The following PXDNL variants were observed in gnomAD, a reference collection of about 807,000 sequenced individuals.
PXDNL encodes the protein peroxidasin like.
In PXDNL, 145 loss-of-function variants were observed where a neutral mutation model predicts 150.8. The ratio of observed to expected loss-of-function variants is 0.96; its 90% CI spans 0.84 to 1.10. The LOEUF (loss-of-function observed/expected upper bound fraction) is 1.10. Among genes scored for constraint, PXDNL ranks in the 50% least tolerant of loss-of-function variants. PXDNL has a pLI of 0.00. For synonymous variants in PXDNL, 757 were observed against 725.7 expected (o/e 1.04, Z -0.69); for missense variants, 2,087 against 1,873.9 (o/e 1.11, Z -2.10).
chr8:51,722,334 C>T (rs1372291148), intron 1 of PXDNL, among the ~76,000 whole-genome samples: 2 of 152,214 alleles, frequency 1.3e-5, no homozygotes, highest in Non-Finnish European at 2.9e-5. Context: ...GGAGCCAGGG[C>T]CAGAGCTCCT....
intron 2 of PXDNL, among the ~76,000 whole-genome samples, chr8:51,652,681 A>T (rs1022099946): frequency 1.3e-5 from 2 of 152,176 alleles, no homozygotes; most frequent in Admixed American, 6.6e-5. Flanking sequence ...CAATTTCCTC[A>T]TCTGTAAAAT....
At chr8:51,696,444 A>T (rs1816127664) in intron 1 of PXDNL, among the ~76,000 whole-genome samples, 2 of 152,204 alleles carry the variant, frequency 1.3e-5, no homozygotes, top group Admixed American at 1.3e-4. Flanking sequence ...GAACGGTGAG[A>T]AATAAATTTT....
At chr8:51,440,433 A>T (rs541753375) in intron 12 of PXDNL, among the ~76,000 whole-genome samples, 30 of 117,778 alleles carry the variant, frequency 2.5e-4, no homozygotes, top group East Asian at 5.1e-4. Flanking sequence ...ACTGAAATTT[A>T]AAAAAATCCA....
chr8:51,395,121 C>A (rs137943951), intron 17 of PXDNL, among the ~76,000 whole-genome samples: 2 of 152,316 alleles, frequency 1.3e-5, no homozygotes, highest in Non-Finnish European at 2.9e-5. Context: ...AGAGCCCTAA[C>A]CACAAGGGCC....
intron 3 of PXDNL, among the ~76,000 whole-genome samples, chr8:51,562,047 T>C (rs1356107783): frequency 6.6e-6 from 1 of 151,824 alleles, no homozygotes; most frequent in Non-Finnish European, 1.5e-5. Context: ...CATATTTCAA[T>C]ATTTTCTAAG....
chr8:51,584,585 C>T (rs769809115), intron 3 of PXDNL, among the ~76,000 whole-genome samples: 1 of 152,026 alleles, frequency 6.6e-6, no homozygotes, highest in Non-Finnish European at 1.5e-5. Flanking sequence ...AGTCATGCAG[C>T]GGGACGTATT....
chr8:51,790,580 C>T (rs2037502457), intron 1 of PXDNL, among the ~76,000 whole-genome samples: 1 of 152,116 alleles, frequency 6.6e-6, no homozygotes, highest in East Asian at 1.9e-4. Flanking sequence ...CTATGAGGCA[C>T]AGAGATTCCA....
chr8:51,438,242 A>G (rs747342847), intron 12 of PXDNL, among the ~76,000 whole-genome samples: 12 of 152,158 alleles, frequency 7.9e-5, no homozygotes, highest in Non-Finnish European at 1.5e-4. Context: ...CATACTGACA[A>G]AAGCAGTCTA....
At chr8:51,326,208 C>G (rs1019149603) in intron 21 of PXDNL, among the ~76,000 whole-genome samples, 2 of 152,176 alleles carry the variant, frequency 1.3e-5, no homozygotes, top group African/African-American at 4.8e-5. Context: ...ATACTATAAT[C>G]AAGAGGCGTC....
intron 8 of PXDNL, 99 bp downstream of exon 8, chr8:51,472,088 T>G: frequency 1.4e-6 from 1 of 708,010 alleles, no homozygotes; most frequent in South Asian, 2.4e-5. Context: ...CTCTGAAAAT[T>G]TTAGTAATTT....
chr8:51,339,852 G>A (rs1805938807), intron 20 of PXDNL, 99 bp from the exon 21 acceptor site: 3 of 1,184,756 alleles, frequency 2.5e-6, no homozygotes, highest in Non-Finnish European at 3.5e-6. Flanking sequence ...GCATGTACAA[G>A]GCATTGTGAT....
intron 14 of PXDNL, among the ~76,000 whole-genome samples, chr8:51,423,001 C>T (rs111741547): frequency 2.6e-4 from 40 of 152,280 alleles, no homozygotes; most frequent in African/African-American, 9.4e-4. Flanking sequence ...CTACAGTAAA[C>T]AGTATTTTAA....
intron 21 of PXDNL, among the ~76,000 whole-genome samples, chr8:51,337,974 T>C (rs944658974): frequency 2.7e-5 from 4 of 149,312 alleles, no homozygotes; most frequent in African/African-American, 7.4e-5. Context: ...AGGTCAGGAG[T>C]TTGAAACCAG....
chr8:51,485,560 G>T (rs1810710908), intron 5 of PXDNL, among the ~76,000 whole-genome samples: 1 of 152,028 alleles, frequency 6.6e-6, no homozygotes, highest in Non-Finnish European at 1.5e-5. Context: ...GGTGATATTT[G>T]ATCATCACCA....
chr8:51,655,818 G>T (rs1000063785), intron 1 of PXDNL, among the ~76,000 whole-genome samples: 3 of 152,072 alleles, frequency 2.0e-5, no homozygotes, highest in African/African-American at 7.2e-5. Flanking sequence ...ACCTCATCTT[G>T]TCCACTCAAG....
intron 15 of PXDNL, among the ~76,000 whole-genome samples, chr8:51,412,694 A>T (rs1808686338): frequency 6.6e-6 from 1 of 152,232 alleles, no homozygotes; most frequent in African/African-American, 2.4e-5. Context: ...AGTTAATGGG[A>T]TTGGAAGGTT....
chr8:51,506,115 G>A (rs1223477909), intron 4 of PXDNL, among the ~76,000 whole-genome samples: 1 of 152,174 alleles, frequency 6.6e-6, no homozygotes, highest in Non-Finnish European at 1.5e-5. Context: ...CTGTGCTAAA[G>A]TCAATAACAG....
chr8:51,378,068 G>C (rs915103712), intron 17 of PXDNL, among the ~76,000 whole-genome samples: 8 of 152,230 alleles, frequency 5.3e-5, no homozygotes, highest in African/African-American at 1.9e-4. Flanking sequence ...CTAGCTCAAG[G>C]TTTGTAAATG....
chr8:51,347,820 T>C (rs10099699), intron 19 of PXDNL, among the ~76,000 whole-genome samples: 4,573 of 152,254 alleles, frequency 0.03, 219 homozygotes, highest in African/African-American at 0.1. Context: ...CACAGGTGCT[T>C]ATTTTCCCCT....
Sources: allele counts gnomAD v4.1 joint callset (sites outside exome capture counted in the v4.1 genomes callset), GRCh38; gene constraint gnomAD v4.1.1; transcripts MANE v1.5; gene names NCBI Gene and HGNC (gene_info 2026-07-23, HGNC 2026-07-21).